Variants in ZFAT observed in about 807,000 individuals in gnomAD.
ZFAT encodes the protein zinc finger protein ZFAT.
Under a neutral mutation model 117.7 loss-of-function variants are expected in ZFAT, and 64 were observed. The observed-to-expected ratio is 0.54, with a 90% CI of 0.44 to 0.67. The LOEUF (loss-of-function observed/expected upper bound fraction) is 0.67, where lower values mean the gene tolerates loss of function less well. Among genes scored for constraint, ZFAT ranks in the 30% least tolerant of loss-of-function variants. The probability of loss-of-function intolerance (pLI) is 0.00; values close to 1 mark genes in which losing one functional copy is unlikely to be tolerated. For synonymous variants in ZFAT, 679 were observed against 615.0 expected (o/e 1.10, Z -1.54); for missense variants, 1,433 against 1,584.5 (o/e 0.90, Z 1.62).
intron 7 of ZFAT, among the ~76,000 whole-genome samples, chr8:134,593,455 G>A (rs1275902215): frequency 5.3e-5 from 8 of 152,160 alleles, no homozygotes; most frequent in South Asian, 2.1e-4. Flanking sequence ...AACTTAAAAA[G>A]AGTGGTGGTT....
At chr8:134,687,947 C>T (rs1026049624) in intron 1 of ZFAT, among the ~76,000 whole-genome samples, 1 of 152,194 alleles carries the variant, frequency 6.6e-6, no homozygotes, top group African/African-American at 2.4e-5. Context: ...CCAGCCTCAG[C>T]GCTGAGCTCG....
At chr8:134,520,207 T>C (rs1379052530) in intron 13 of ZFAT, among the ~76,000 whole-genome samples, 2 of 152,108 alleles carry the variant, frequency 1.3e-5, no homozygotes, top group African/African-American at 4.8e-5. Context: ...ATGCTACTAG[T>C]AACTTAGTGG....
Position 134,667,114 on chromosome 8 carries a change from T to TCACA in ZFAT, c.20-9381_20-9378dup, listed in dbSNP as rs748531198. 1.2e-4 allele frequency among the ~76,000 whole-genome samples: 19 copies of TCACA among 152,074 alleles called. 1 individual carries two copies. The East Asian group carries it at 1.9e-3, about 15-fold the overall frequency. ...ACTCATGGACATAGGGAGGGGAACA[T>TCACA]CACACACTGGGGCCTGTCAGGGGCT... On this transcript the variant is annotated intron_variant, in intron 1 of 15. Transcript: ENST00000377838.
At chr8:134,558,223 T>C (rs1453692798) in intron 11 of ZFAT, among the ~76,000 whole-genome samples, 1 of 152,146 alleles carries the variant, frequency 6.6e-6, no homozygotes, top group Non-Finnish European at 1.5e-5. Context: ...CTAACTCTCT[T>C]CATGAAAGAG....
chr8:134,735,314 A>G, the ZFAT span, among the ~76,000 whole-genome samples: 1 of 152,156 alleles, frequency 6.6e-6, no homozygotes. Flanking sequence ...GCCATGGCCA[A>G]ATCCTCCCAA....
At chr8:134,705,568 TG>T (rs1834129719) in intron 1 of ZFAT, among the ~76,000 whole-genome samples, 1 of 151,838 alleles carries the variant, frequency 6.6e-6, no homozygotes, top group Admixed American at 6.6e-5. Context: ...CTCACTCTGT[TG>T]CCCAGGCTAG....
At chr8:134,737,780 A>G in the ZFAT span, among the ~76,000 whole-genome samples, 2 of 152,224 alleles carry the variant, frequency 1.3e-5, no homozygotes, top group Non-Finnish European at 2.9e-5. Context: ...GACATAAGGC[A>G]GGTCTGATAC....
intron 12 of ZFAT, among the ~76,000 whole-genome samples, chr8:134,524,092 C>T (rs567523436): frequency 6.6e-6 from 1 of 152,328 alleles, no homozygotes; most frequent in South Asian, 2.1e-4. Flanking sequence ...GACTCTGGGT[C>T]TTGGCAAGTC....
chr8:134,603,017 T>C, intron 5 of ZFAT, 84 bp from the exon 6 acceptor site: 1 of 1,524,326 alleles, frequency 6.6e-7, no homozygotes, highest in Non-Finnish European at 8.8e-7. Context: ...AACCAAACAC[T>C]AAAGGCTGAA....
At chr8:134,755,169 C>G in the ZFAT span, among the ~76,000 whole-genome samples, 2 of 150,442 alleles carry the variant, frequency 1.3e-5, no homozygotes, top group Non-Finnish European at 3.0e-5. Context: ...TTTGGGAGGC[C>G]GAGGCAGGCG....
intron 1 of ZFAT, among the ~76,000 whole-genome samples, chr8:134,675,239 C>A (rs1216285230): frequency 6.6e-6 from 1 of 152,146 alleles, no homozygotes; most frequent in Admixed American, 6.5e-5. Context: ...ACTAGAACAA[C>A]CAGCTTAGAG....
At chr8:134,782,630 A>C in the ZFAT span, among the ~76,000 whole-genome samples, 1 of 152,134 alleles carries the variant, frequency 6.6e-6, no homozygotes, top group African/African-American at 2.4e-5. Context: ...CATGGTAGTG[A>C]ATAAGTATCA....
intron 11 of ZFAT, among the ~76,000 whole-genome samples, chr8:134,557,459 C>T (rs1433145225): frequency 2.0e-5 from 3 of 152,144 alleles, no homozygotes; most frequent in Admixed American, 2.0e-4. Flanking sequence ...TGGACTTTAG[C>T]TAATGATAAT....
chr8:134,482,180 G>A lies in ZFAT; in HGVS notation c.3493-3459C>T, dbSNP rs138075480. ...ACCTTGACTTCTTCTCTGACCCCCC[G>A]GGCACTTTTACTCCCGGCTGAGCCA... On this transcript the variant is annotated intron_variant, in intron 15 of 15. Coordinates refer to ENST00000377838, the MANE Select transcript of ZFAT (RefSeq NM_020863.4). 1.1e-3 allele frequency among the ~76,000 whole-genome samples: 171 copies of A among 152,198 alleles called. 1 individual carries two copies. Among genetic ancestry groups the A allele is most frequent in the African/African-American group, 3.7e-3 (152 of 41,524 alleles).
chr8:134,522,223 G>C (rs149068830), intron 12 of ZFAT, among the ~76,000 whole-genome samples: 3,627 of 152,344 alleles, frequency 0.024, 154 homozygotes, highest in African/African-American at 0.083. Flanking sequence ...CTCCACGGTA[G>C]AGCAGGAGCA....
In ZFAT at chr8:134,588,379, G is replaced by C. The variant is rs1453130032; in HGVS notation, c.2580C>G (p.Thr860=). 1.9e-6 allele frequency: 3 copies of C among 1,588,660 alleles called. No individual in the cohort carries two copies. The highest frequency in any genetic ancestry group is 1.8e-5 in the Admixed American group (1 of 56,488). Residue 860 remains threonine (T), a synonymous_variant, in exon 9 of 16, where the codon ACC becomes ACG. Transcript: ENST00000377838. ...CCCTCCTCCCGAGAACCTCAGAAAT[G>C]GTGCTCATGGAGACCTCTAGAAGAA... is the stretch of plus-strand genomic sequence containing the variant. ...KTNHPEVSMS[T]ISEVLGRRVQ...
chr8:134,653,286 A>C lies in ZFAT; in HGVS notation c.196+4275T>G, dbSNP rs1364509508. 1.3e-3 allele frequency among the ~76,000 whole-genome samples: 156 copies of C among 116,068 alleles called. 2 individuals carry two copies. In the Middle Eastern group the frequency reaches 0.021, roughly 16 times the overall value. 76.1% of individuals were successfully genotyped at this position (116,068 alleles called of 152,430 possible). On this transcript the variant is annotated intron_variant, in intron 2 of 15. Transcript: ENST00000377838. The stretch of plus-strand genomic sequence containing the variant: ...TGTCTTTTTTAAAAAAAAAAAAAAA[A>C]AAAAACAAAAAACAGGGTCTCACTC...
intron 15 of ZFAT, among the ~76,000 whole-genome samples, chr8:134,499,653 C>A (rs1422503517): frequency 6.6e-6 from 1 of 152,188 alleles, no homozygotes; most frequent in African/African-American, 2.4e-5. Context: ...TTGCTGGTTA[C>A]ACACAGAGCC....
chr8:134,493,628 G>A (rs1244674659), intron 15 of ZFAT, among the ~76,000 whole-genome samples: 3 of 152,250 alleles, frequency 2.0e-5, no homozygotes, highest in African/African-American at 4.8e-5. Context: ...GCATGGGAAT[G>A]AAGAGACGGC....
Sources: gnomAD v4.1 joint callset for allele counts (sites outside exome capture counted in the v4.1 genomes callset) on GRCh38, gnomAD v4.1.1 for gene constraint, MANE v1.5 for transcripts, NCBI Gene and HGNC (gene_info 2026-07-23, HGNC 2026-07-21) for gene names.